Variants in NCKAP5 observed in about 807,000 individuals in gnomAD.
NCKAP5 encodes nck-associated protein 5.
Under a neutral mutation model 167.0 loss-of-function variants are expected in NCKAP5, and 92 were observed. The observed-to-expected ratio is 0.55, with a 90% CI of 0.47 to 0.66. NCKAP5 has a LOEUF of 0.66. Among genes scored for constraint, NCKAP5 ranks in the 30% least tolerant of loss-of-function variants. The probability of loss-of-function intolerance (pLI) is 0.00; values close to 1 mark genes in which losing one functional copy is unlikely to be tolerated. For missense variants in NCKAP5, 2,378 were observed against 2,315.0 expected (o/e 1.03, Z -0.56); for synonymous variants, 891 against 877.4 (o/e 1.02, Z -0.27).
chr2:133,363,008 C>T (rs535783752), intron 3 of NCKAP5, among the ~76,000 whole-genome samples: 40 of 152,060 alleles, frequency 2.6e-4, no homozygotes, highest in African/African-American at 8.9e-4. Context: ...CCCTGTGATC[C>T]GCCCGCCTCG....
intron 8 of NCKAP5, among the ~76,000 whole-genome samples, chr2:132,938,580 T>C (rs13430832): frequency 0.046 from 6,987 of 152,214 alleles, 500 homozygotes; most frequent in African/African-American, 0.16. Context: ...GGTTAAAGTC[T>C]TGGTGCTCCA....
chr2:132,822,443 C>A (rs1410873944), intron 11 of NCKAP5, among the ~76,000 whole-genome samples: 1 of 152,126 alleles, frequency 6.6e-6, no homozygotes, highest in Non-Finnish European at 1.5e-5. Context: ...CATGGATAGA[C>A]CCAGAAGAGC....
At chr2:133,311,814 G>T (rs78141471) in intron 3 of NCKAP5, among the ~76,000 whole-genome samples, 2,714 of 152,224 alleles carry the variant, frequency 0.018, 68 homozygotes, top group African/African-American at 0.06. Flanking sequence ...AAGGGTTTTA[G>T]GAGTTCTGTG....
intron 16 of NCKAP5, among the ~76,000 whole-genome samples, chr2:132,764,643 AGTTTGGT>A (rs149242858): frequency 0.079 from 12,095 of 152,268 alleles, 573 homozygotes; most frequent in East Asian, 0.12. Context: ...TTATCTAAGT[AGTTTGGT>A]GCCAGTCTGA....
At chr2:132,743,018 A>C (rs972216012) in intron 16 of NCKAP5, among the ~76,000 whole-genome samples, 3 of 151,912 alleles carry the variant, frequency 2.0e-5, no homozygotes, top group African/African-American at 7.2e-5. Context: ...AAATATATAT[A>C]GATTTTTGCT....
chr2:133,442,945 A>G (rs1690950861), intron 3 of NCKAP5, among the ~76,000 whole-genome samples: 1 of 152,160 alleles, frequency 6.6e-6, no homozygotes, highest in South Asian at 2.1e-4. Flanking sequence ...CTGAGTACTG[A>G]TTTCTAGTAA....
At chr2:133,584,528 G>A in the NCKAP5 span, among the ~76,000 whole-genome samples, 1 of 152,174 alleles carries the variant, frequency 6.6e-6, no homozygotes, top group Non-Finnish European at 1.5e-5. Flanking sequence ...TCTTTGGGAG[G>A]CTGAGGCGGG....
chr2:133,035,496 G>A (rs896872008), intron 6 of NCKAP5, among the ~76,000 whole-genome samples: 2 of 151,990 alleles, frequency 1.3e-5, no homozygotes, highest in Non-Finnish European at 2.9e-5. Flanking sequence ...CTCAAGGACA[G>A]CCCATATGTT....
intron 6 of NCKAP5, among the ~76,000 whole-genome samples, chr2:133,021,609 T>C (rs1319749770): frequency 6.6e-6 from 1 of 152,226 alleles, no homozygotes; most frequent in Non-Finnish European, 1.5e-5. Flanking sequence ...TTTGCTATTG[T>C]GTAAACTCTA....
chr2:132,713,226 C>A (rs931003126), intron 19 of NCKAP5, among the ~76,000 whole-genome samples: 1 of 151,942 alleles, frequency 6.6e-6, no homozygotes, highest in Non-Finnish European at 1.5e-5. Flanking sequence ...ATTCTATGTT[C>A]AAAACGACAA....
Position 132,783,331 on chromosome 2 carries a change from G to A in NCKAP5, c.3480C>T (p.Leu1160=). ...TCCCTGGCACGGTGGAACTTTTCCT[G>A]AGCAGCTGGGGAGACTTCATGAGCA... ...LKVLMKSPQL[L]RKSSTVPGKH... is the part of the protein sequence containing the mutation. Residue 1160 remains leucine, a synonymous_variant, in exon 14 of 20, where the codon CTC becomes CTT. Transcript: ENST00000409261. 1 of 1,613,798 alleles carries A rather than the reference G, an allele frequency of 6.2e-7. No individual in the cohort carries two copies. The highest frequency in any genetic ancestry group is 8.5e-7 in the Non-Finnish European group (1 of 1,179,852).
intron 3 of NCKAP5, among the ~76,000 whole-genome samples, chr2:133,369,615 C>A (rs552178336): frequency 6.6e-6 from 1 of 152,168 alleles, no homozygotes; most frequent in East Asian, 1.9e-4. Context: ...TTTCATGCAA[C>A]TATAGCAAAC....
chr2:132,787,965 G>A (rs2105090698), intron 13 of NCKAP5, among the ~76,000 whole-genome samples: 1 of 152,114 alleles, frequency 6.6e-6, no homozygotes, highest in Non-Finnish European at 1.5e-5. Flanking sequence ...AGCCTGCCAG[G>A]TGCTGCACTG....
intron 3 of NCKAP5, among the ~76,000 whole-genome samples, chr2:133,516,035 G>A (rs117085741): frequency 1.3e-5 from 2 of 152,302 alleles, no homozygotes; most frequent in East Asian, 3.9e-4. Flanking sequence ...CTATGGCTTT[G>A]GGGACCAACC....
intron 3 of NCKAP5, among the ~76,000 whole-genome samples, chr2:133,377,690 C>G (rs144098892): frequency 1.3e-5 from 2 of 152,310 alleles, no homozygotes; most frequent in East Asian, 3.9e-4. Flanking sequence ...GCAGAGACCA[C>G]CTACCGTGTG....
intron 3 of NCKAP5, among the ~76,000 whole-genome samples, chr2:133,310,252 C>CT (rs1681139046): frequency 6.6e-6 from 1 of 152,180 alleles, no homozygotes; most frequent in African/African-American, 2.4e-5. Flanking sequence ...TCCGAGGAGA[C>CT]TTTTTTAAAT....
intron 8 of NCKAP5, among the ~76,000 whole-genome samples, chr2:132,933,835 T>C (rs1235537079): frequency 6.6e-6 from 1 of 152,154 alleles, no homozygotes; most frequent in Non-Finnish European, 1.5e-5. Context: ...CAGAAAAGAA[T>C]TGTATTTTCA....
rs369715569 is a variant in NCKAP5 at position 132,928,846 on chromosome 2, C to G, written c.579+34874G>C. On this transcript the variant is annotated intron_variant, in intron 8 of 19. Coordinates refer to ENST00000409261, the MANE Select transcript of NCKAP5 (RefSeq NM_207363.3). ...ACCTAGTCTAACTTCAAGACTCCTA[C>G]GTGGTGGCTCATGCCTGTAATCCCA... Among the ~76,000 whole-genome samples the G allele has an allele frequency of 2.6e-4, 39 of 152,196 alleles. No homozygotes were observed. The East Asian group carries it at 7.5e-3, about 29-fold the overall frequency.
chr2:133,113,094 C>A (rs2081967295), intron 6 of NCKAP5, among the ~76,000 whole-genome samples: 2 of 152,278 alleles, frequency 1.3e-5, no homozygotes, highest in African/African-American at 4.8e-5. Context: ...TCGCTCCGGC[C>A]ACTCACACTT....
Sources: allele counts gnomAD v4.1 joint callset (sites outside exome capture counted in the v4.1 genomes callset), GRCh38; gene constraint gnomAD v4.1.1; transcripts MANE v1.5; gene names NCBI Gene and HGNC (gene_info 2026-07-23, HGNC 2026-07-21).